The following AGBL1 variants were observed in gnomAD, a reference collection of about 807,000 sequenced individuals.
The protein encoded by AGBL1 is cytosolic carboxypeptidase 4.
Under a neutral mutation model 118.9 loss-of-function variants are expected in AGBL1, and 130 were observed. That is an observed-to-expected ratio of 1.09 (90% CI 0.95 to 1.26). The LOEUF is 1.26. Ranked by LOEUF, AGBL1 falls within the 50% of genes most tolerant of loss-of-function variation. AGBL1 has a pLI of 0.00. For synonymous variants in AGBL1, 555 were observed against 478.9 expected, an observed-to-expected ratio of 1.16 and a Z score of -2.08; for missense variants, 1,584 against 1,298.1, an observed-to-expected ratio of 1.22 and a Z score of -3.38.
chr15:86,430,524 C>G (rs779541702), intron 18 of AGBL1, among the ~76,000 whole-genome samples: 18 of 150,008 alleles, frequency 1.2e-4, no homozygotes, highest in Non-Finnish European at 3.0e-5. Context: ...GTGTGTGTAA[C>G]TTTTGCCAAG....
chr15:86,331,182 C>T (rs2080262215), intron 17 of AGBL1, among the ~76,000 whole-genome samples: 1 of 146,916 alleles, frequency 6.8e-6, no homozygotes, highest in East Asian at 2.0e-4. Flanking sequence ...CAAGATCGTG[C>T]CATTGTACTC....
Position 86,236,932 on chromosome 15 carries a change from C to CGGGGGGGGG in AGBL1, c.527-10738_527-10730dup, listed in dbSNP as rs1261815080. Among the ~76,000 whole-genome samples the CGGGGGGGGG allele has an allele frequency of 1.1e-3, 10 of 9,360 alleles. 1 individual carries two copies. The highest frequency in any genetic ancestry group is 1.6e-3 in the Non-Finnish European group (7 of 4,508). 6.1% of individuals were successfully genotyped at this position (9,360 alleles called of 152,430 possible). A position where few individuals can be genotyped will look rare whatever the true frequency, so the allele number is the denominator to read the frequency against. On this transcript the variant is annotated intron_variant, in intron 6 of 22. Coordinates refer to ENST00000614907, the MANE Select transcript of AGBL1 (RefSeq NM_001386094.1). Reference sequence around the variant, plus strand: ...TTCCACACACACGGGGATATGTGGGCGGGGGGGGGCGGGGGGGGGCGGGGG... The same window carrying CGGGGGGGGG: ...TTCCACACACACGGGGATATGTGGGCGGGGGGGGGGGGGGGGGGCGGGGGGGGGCGGGGG...
At chr15:86,777,472 C>A (rs1467646666) in intron 22 of AGBL1, among the ~76,000 whole-genome samples, 1 of 151,402 alleles carries the variant, frequency 6.6e-6, no homozygotes. Context: ...ATTTAATTTT[C>A]AGTTTCCATA....
chr15:86,357,716 A>C (rs1211738432), intron 17 of AGBL1, among the ~76,000 whole-genome samples: 1 of 152,052 alleles, frequency 6.6e-6, no homozygotes, highest in African/African-American at 2.4e-5. Context: ...TTCTTTACTA[A>C]AATAATGTTC....
chr15:86,868,170 T>TG (rs1222613310), intron 22 of AGBL1, among the ~76,000 whole-genome samples: 1 of 151,866 alleles, frequency 6.6e-6, no homozygotes, highest in Non-Finnish European at 1.5e-5. Context: ...GAAACGTACA[T>TG]GAAAAAAAAC....
intron 17 of AGBL1, among the ~76,000 whole-genome samples, chr15:86,357,673 C>G (rs1330913795): frequency 6.6e-6 from 1 of 152,128 alleles, no homozygotes; most frequent in Non-Finnish European, 1.5e-5. Flanking sequence ...AATATCTTCT[C>G]CAGGGCACTT....
intron 21 of AGBL1, among the ~76,000 whole-genome samples, chr15:86,574,099 T>C (rs1038970824): frequency 4.0e-5 from 6 of 150,162 alleles, no homozygotes; most frequent in Admixed American, 6.6e-5. Context: ...GAATGCAGAG[T>C]GTTGCATTGC....
chr15:86,433,664 G>C (rs1364280208), intron 18 of AGBL1, among the ~76,000 whole-genome samples: 1 of 152,070 alleles, frequency 6.6e-6, no homozygotes. Flanking sequence ...GGTACCTCCA[G>C]GGAGGGTGCC....
intron 22 of AGBL1, among the ~76,000 whole-genome samples, chr15:86,901,855 G>T (rs2080216408): frequency 1.3e-5 from 2 of 151,890 alleles, no homozygotes; most frequent in African/African-American, 4.8e-5. Flanking sequence ...TGTTTTTTCT[G>T]TTGTGGATGA....
At chr15:86,122,519 T>C (rs947062482) in intron 1 of AGBL1, among the ~76,000 whole-genome samples, 1 of 152,158 alleles carries the variant, frequency 6.6e-6, no homozygotes, top group African/African-American at 2.4e-5. Context: ...ATAAACCAAG[T>C]GAAGACATCA....
rs540119485 is a variant in AGBL1, at chr15:86,477,467, A to T, written c.2556-45343A>T. 5.3e-5 allele frequency among the ~76,000 whole-genome samples: 8 copies of T among 152,338 alleles called. No homozygotes were observed. In the South Asian group the frequency reaches 1.7e-3, roughly 32 times the overall value. On this transcript the variant is annotated intron_variant, in intron 18 of 22. Coordinates refer to ENST00000614907, the MANE Select transcript of AGBL1 (RefSeq NM_001386094.1). ...TACTATAAACACCTCTACGCAAATA[A>T]AGTAGAAAATCTAGAAGAAATGGAT...
intron 21 of AGBL1, among the ~76,000 whole-genome samples, chr15:86,636,990 C>T (rs1027789849): frequency 6.6e-6 from 1 of 151,440 alleles, no homozygotes; most frequent in African/African-American, 2.4e-5. Flanking sequence ...TAGGCACAAC[C>T]AGGTATGTAT....
chr15:86,440,115 A>C (rs894827360), intron 18 of AGBL1, among the ~76,000 whole-genome samples: 7 of 152,214 alleles, frequency 4.6e-5, no homozygotes, highest in Non-Finnish European at 1.5e-5. Flanking sequence ...TTGTGCTGCC[A>C]TGTTTTTATG....
At chr15:86,735,798 G>A (rs147721387) in intron 22 of AGBL1, among the ~76,000 whole-genome samples, 1,706 of 152,192 alleles carry the variant, frequency 0.011, 10 homozygotes, top group Non-Finnish European at 0.018. Context: ...GTACATAGGC[G>A]TGACTCATGG....
chr15:86,555,035 A>G (rs56364418), intron 21 of AGBL1, among the ~76,000 whole-genome samples: 3,248 of 152,312 alleles, frequency 0.021, 126 homozygotes, highest in African/African-American at 0.074. Context: ...AAGTGTGTGC[A>G]TGGCGTGGGT....
intron 22 of AGBL1, among the ~76,000 whole-genome samples, chr15:86,761,912 C>A (rs998542508): frequency 6.6e-6 from 1 of 152,012 alleles, no homozygotes; most frequent in African/African-American, 2.4e-5. Context: ...TTTGCCCATG[C>A]CTATGTACTG....
At chr15:86,888,295 C>T (rs545600799) in intron 22 of AGBL1, among the ~76,000 whole-genome samples, 7 of 151,752 alleles carry the variant, frequency 4.6e-5, no homozygotes, top group Non-Finnish European at 1.0e-4. Context: ...TTAGGGCTAC[C>T]TCATAGAAAG....
intron 22 of AGBL1, among the ~76,000 whole-genome samples, chr15:86,792,445 G>A (rs2078507980): frequency 6.6e-6 from 1 of 152,118 alleles, no homozygotes; most frequent in African/African-American, 2.4e-5. Context: ...GAATGAACAT[G>A]GTCTGTTTAG....
chr15:86,727,862 T>C (rs2097126240), intron 22 of AGBL1, among the ~76,000 whole-genome samples: 1 of 152,228 alleles, frequency 6.6e-6, no homozygotes, highest in Non-Finnish European at 1.5e-5. Flanking sequence ...CAGTGACTGC[T>C]TATCCAGTGA....
Sources: gnomAD v4.1 joint callset for allele counts (sites outside exome capture counted in the v4.1 genomes callset) on GRCh38, gnomAD v4.1.1 for gene constraint, MANE v1.5 for transcripts, NCBI Gene and HGNC (gene_info 2026-07-23, HGNC 2026-07-21) for gene names.